Variants in OLA1 observed in about 807,000 individuals in gnomAD.
OLA1 encodes Obg like ATPase 1.
In OLA1, 14 loss-of-function variants were observed where a neutral mutation model predicts 48.4. That is an observed-to-expected ratio of 0.29 (90% CI 0.19 to 0.45). The LOEUF is 0.45. OLA1 is among the 20% of genes least tolerant of loss of function. OLA1 has a pLI of 1.00. For missense variants in OLA1, 325 were observed against 467.1 expected (o/e 0.70, Z 2.80); for synonymous variants, 127 against 150.4 (o/e 0.84, Z 1.14).
At chr2:174,131,279 A>G (rs571485094) in intron 5 of OLA1, among the ~76,000 whole-genome samples, 1 of 152,166 alleles carries the variant, frequency 6.6e-6, no homozygotes, top group African/African-American at 2.4e-5. Context: ...CATCCATGTC[A>G]TTCCATGTAG....
At chr2:174,158,988 A>ATG (rs1686951636) in intron 4 of OLA1, among the ~76,000 whole-genome samples, 1 of 152,202 alleles carries the variant, frequency 6.6e-6, no homozygotes, top group Non-Finnish European at 1.5e-5. Context: ...ACTGTATGTT[A>ATG]TGTATTCATC....
chr2:174,129,582 A>G (rs1436632688), intron 5 of OLA1, among the ~76,000 whole-genome samples: 1 of 151,776 alleles, frequency 6.6e-6, no homozygotes, highest in African/African-American at 2.4e-5. Flanking sequence ...ACATACTCAA[A>G]TAATGAAACT....
chr2:174,167,302 G>A (rs1274877191), intron 4 of OLA1, among the ~76,000 whole-genome samples: 1 of 152,198 alleles, frequency 6.6e-6, no homozygotes, highest in East Asian at 1.9e-4. Context: ...TAGCCCAGGC[G>A]CAGTGGCTCA....
At chr2:174,208,524 T>C (rs1688166179) in intron 4 of OLA1, among the ~76,000 whole-genome samples, 1 of 152,202 alleles carries the variant, frequency 6.6e-6, no homozygotes, top group African/African-American at 2.4e-5. Context: ...CTGTCCAAGA[T>C]GTTTCAAAAT....
At position 174,214,848 on chromosome 2, in the gene OLA1, G is replaced by A. The variant is rs111931395; in HGVS notation, c.373+8185C>T. On this transcript the variant is annotated intron_variant, in intron 4 of 10. Coordinates refer to ENST00000284719, the MANE Select transcript of OLA1 (RefSeq NM_013341.5). ...GTGGATCACCTGAGGTCAGGAGTTC[G>A]AGACCAGCCTGGCCAACATGATGAA... Among the ~76,000 whole-genome samples, 650 of 151,988 alleles carry A rather than the reference G, an allele frequency of 4.3e-3. 2 individuals carry two copies. The highest frequency in any genetic ancestry group is 0.015 in the African/African-American group (618 of 41,450).
chr2:174,217,442 C>T (rs1038243978), intron 4 of OLA1, among the ~76,000 whole-genome samples: 23 of 138,030 alleles, frequency 1.7e-4, no homozygotes, highest in African/African-American at 6.4e-4. Context: ...TTATTTCCAA[C>T]GCTTACAGTG....
At chr2:174,247,527 C>A in intron 1 of OLA1, 1 of 1,298,820 alleles carries the variant, frequency 7.7e-7, no homozygotes, top group Non-Finnish European at 1.0e-6. Flanking sequence ...GAAGCAAGTA[C>A]ACAGAAGACA....
intron 2 of OLA1, among the ~76,000 whole-genome samples, chr2:174,245,435 C>A (rs749074310): frequency 3.9e-5 from 6 of 152,206 alleles, no homozygotes; most frequent in Non-Finnish European, 8.8e-5. Flanking sequence ...ATGACAGGAG[C>A]TCCTCGGAAT....
intron 4 of OLA1, among the ~76,000 whole-genome samples, chr2:174,198,519 C>A (rs2105429921): frequency 6.6e-6 from 1 of 152,210 alleles, no homozygotes; most frequent in African/African-American, 2.4e-5. Context: ...GTAGCTCATG[C>A]CTGTAATCCT....
At chr2:174,128,513 T>G (rs1686097827) in intron 5 of OLA1, among the ~76,000 whole-genome samples, 1 of 151,838 alleles carries the variant, frequency 6.6e-6, no homozygotes, top group African/African-American at 2.4e-5. Flanking sequence ...GTGGATCACC[T>G]GAGGTCAGGA....
At chr2:174,184,833 C>G (rs1297717963) in intron 4 of OLA1, among the ~76,000 whole-genome samples, 1 of 152,020 alleles carries the variant, frequency 6.6e-6, no homozygotes, top group African/African-American at 2.4e-5. Flanking sequence ...ACAAGAAAAA[C>G]AAGTTTAAGC....
At chr2:174,239,987 A>G (rs919091077) in intron 2 of OLA1, among the ~76,000 whole-genome samples, 2 of 152,170 alleles carry the variant, frequency 1.3e-5, no homozygotes, top group Non-Finnish European at 2.9e-5. Flanking sequence ...TAGTAAATCA[A>G]TGTTTATTTC....
chr2:174,221,266 T>C (rs911007970), intron 4 of OLA1, among the ~76,000 whole-genome samples: 12 of 151,278 alleles, frequency 7.9e-5, no homozygotes, highest in African/African-American at 2.7e-4. Flanking sequence ...CAAATTCATT[T>C]CCCCCCCCAC....
chr2:174,205,934 T>C (rs1464695609), intron 4 of OLA1, among the ~76,000 whole-genome samples: 2 of 152,164 alleles, frequency 1.3e-5, no homozygotes, highest in Non-Finnish European at 2.9e-5. Flanking sequence ...TAGCCCTGCC[T>C]TTCCTTCAAC....
At position 174,078,953 on chromosome 2, in the gene OLA1, A is replaced by G; in HGVS notation, c.1089+15T>C. On this transcript the variant is annotated intron_variant, in intron 10 of 10. Coordinates refer to ENST00000284719, the MANE Select transcript of OLA1 (RefSeq NM_013341.5). ...GGAAACATTGTGAAATACAAAAATA[A>G]AAACAATTCTTTACCTTGACTGCAT... 6.3e-7 allele frequency: 1 copy of G among 1,590,170 alleles called. No homozygotes were observed. The highest frequency in any genetic ancestry group is 8.5e-7 in the Non-Finnish European group (1 of 1,171,720).
chr2:174,142,196 G>A (rs1351113461), intron 4 of OLA1, among the ~76,000 whole-genome samples, 196 bp from the exon 5 acceptor site: 6 of 152,024 alleles, frequency 3.9e-5, no homozygotes, highest in Admixed American at 1.3e-4. Flanking sequence ...TAGTTCAAGA[G>A]CCTCCATATT....
At chr2:174,095,299 A>C in intron 7 of OLA1, among the ~76,000 whole-genome samples, 1 of 130,624 alleles carries the variant, frequency 7.7e-6, no homozygotes, top group African/African-American at 2.9e-5. Context: ...ATTTCTCCAC[A>C]TCTTTGCCAG....
chr2:174,180,692 C>T (rs1048357115), intron 4 of OLA1, among the ~76,000 whole-genome samples: 2 of 152,112 alleles, frequency 1.3e-5, no homozygotes, highest in African/African-American at 2.4e-5. Context: ...TGGCCCTAAC[C>T]GAATATTCAA....
intron 4 of OLA1, among the ~76,000 whole-genome samples, chr2:174,197,009 A>G (rs1687892417): frequency 6.6e-6 from 1 of 152,240 alleles, no homozygotes; most frequent in African/African-American, 2.4e-5. Context: ...TTATGTTACA[A>G]TATTTTCAAA....
Sources: gnomAD v4.1 joint callset for allele counts (sites outside exome capture counted in the v4.1 genomes callset) on GRCh38, gnomAD v4.1.1 for gene constraint, MANE v1.5 for transcripts, NCBI Gene and HGNC (gene_info 2026-07-23, HGNC 2026-07-21) for gene names.